Variants in RBFOX1 observed in about 807,000 individuals in gnomAD.
RBFOX1 encodes RNA binding protein fox-1 homolog 1.
Under a neutral mutation model 57.7 loss-of-function variants are expected in RBFOX1, and 8 were observed. The ratio of observed to expected loss-of-function variants is 0.14; its 90% confidence interval spans 0.08 to 0.25. The LOEUF (loss-of-function observed/expected upper bound fraction) is 0.25, where lower values mean the gene tolerates loss of function less well. RBFOX1 is among the 10% of genes least tolerant of loss of function. The pLI is 1.00. For missense variants in RBFOX1, 611 were observed against 548.5 expected (o/e 1.11, Z -1.14); for synonymous variants, 326 against 222.4 (o/e 1.47, Z -4.15).
chr16:6,820,679 C>G (rs1436262625), intron 3 of RBFOX1, among the ~76,000 whole-genome samples: 1 of 151,482 alleles, frequency 6.6e-6, no homozygotes, highest in Non-Finnish European at 1.5e-5. Context: ...ACAAGCAAAA[C>G]AAACAAACAA....
intron 2 of RBFOX1, among the ~76,000 whole-genome samples, chr16:6,412,354 C>T (rs933978529): frequency 6.6e-6 from 1 of 152,110 alleles, no homozygotes; most frequent in Non-Finnish European, 1.5e-5. Flanking sequence ...TTCCTCTGGT[C>T]AACTTGGATT....
At chr16:7,209,468 C>G (rs991371857) in intron 4 of RBFOX1, among the ~76,000 whole-genome samples, 12 of 152,142 alleles carry the variant, frequency 7.9e-5, no homozygotes, top group South Asian at 2.1e-4. Flanking sequence ...TGGATAATAA[C>G]CTCAAGGCCT....
At chr16:5,653,952 A>G (rs1357040968) in intron 3 of RBFOX1, among the ~76,000 whole-genome samples, 1 of 152,154 alleles carries the variant, frequency 6.6e-6, no homozygotes, top group Non-Finnish European at 1.5e-5. Flanking sequence ...CACTTTGTGG[A>G]TGTTCTCAGA....
At chr16:6,453,559 A>G (rs1597456982) in intron 2 of RBFOX1, among the ~76,000 whole-genome samples, 2 of 152,212 alleles carry the variant, frequency 1.3e-5, no homozygotes, top group South Asian at 4.1e-4. Flanking sequence ...AACCAAAAAA[A>G]AGCCCAGGAC....
At chr16:6,124,463 A>C (rs2096574433) in intron 1 of RBFOX1, among the ~76,000 whole-genome samples, 1 of 152,124 alleles carries the variant, frequency 6.6e-6, no homozygotes, top group Non-Finnish European at 1.5e-5. Context: ...TCTTCACTCC[A>C]GACTGGGACC....
intron 2 of RBFOX1, among the ~76,000 whole-genome samples, chr16:6,346,615 T>C (rs1224000649): frequency 2.0e-5 from 3 of 152,240 alleles, no homozygotes; most frequent in Non-Finnish European, 4.4e-5. Flanking sequence ...CTGGTTCCGA[T>C]GGCAGCCTGA....
chr16:6,234,156 T>G (rs2097487346), intron 1 of RBFOX1, among the ~76,000 whole-genome samples: 1 of 152,176 alleles, frequency 6.6e-6, no homozygotes, highest in African/African-American at 2.4e-5. Flanking sequence ...AGCCCCCACC[T>G]CTTTTCACCA....
chr16:5,358,905 C>A (rs983261526), intron 1 of RBFOX1, among the ~76,000 whole-genome samples: 3 of 152,186 alleles, frequency 2.0e-5, no homozygotes, highest in Non-Finnish European at 4.4e-5. Context: ...GCATCTTATT[C>A]ATCCTTTGTA....
intron 3 of RBFOX1, among the ~76,000 whole-genome samples, chr16:6,793,076 C>G (rs550189447): frequency 6.6e-5 from 10 of 151,710 alleles, no homozygotes; most frequent in Non-Finnish European, 1.3e-4. Flanking sequence ...CTGTTAGCCA[C>G]TTGGATGCTC....
intron 1 of RBFOX1, among the ~76,000 whole-genome samples, chr16:6,167,863 A>G (rs1464919051): frequency 6.6e-6 from 1 of 152,132 alleles, no homozygotes; most frequent in Non-Finnish European, 1.5e-5. Flanking sequence ...CTGCTCCGGG[A>G]TGGGGTCAAG....
intron 1 of RBFOX1, among the ~76,000 whole-genome samples, chr16:5,419,535 A>G (rs574449522): frequency 6.6e-6 from 1 of 152,110 alleles, no homozygotes; most frequent in East Asian, 2.0e-4. Context: ...TGACACCCTC[A>G]TAGACACACC....
intron 3 of RBFOX1, among the ~76,000 whole-genome samples, chr16:6,788,350 G>A (rs1288854450): frequency 6.6e-6 from 1 of 151,978 alleles, no homozygotes; most frequent in Non-Finnish European, 1.5e-5. Flanking sequence ...AACACAAGCT[G>A]GTGAGGCATG....
chr16:7,257,984 G>C (rs558915256), intron 4 of RBFOX1, among the ~76,000 whole-genome samples: 51 of 152,284 alleles, frequency 3.3e-4, no homozygotes, highest in Admixed American at 9.8e-4. Flanking sequence ...AAGGAATTCT[G>C]TATCGACACA....
chr16:7,029,846 A>C (rs1300428700), intron 3 of RBFOX1, among the ~76,000 whole-genome samples: 1 of 152,186 alleles, frequency 6.6e-6, no homozygotes, highest in African/African-American at 2.4e-5. Flanking sequence ...AAGATGAAAG[A>C]ATGATAACTT....
intron 3 of RBFOX1, among the ~76,000 whole-genome samples, chr16:6,959,761 A>T (rs1457303109): frequency 1.3e-5 from 2 of 152,014 alleles, no homozygotes; most frequent in Non-Finnish European, 2.9e-5. Context: ...ACATGGTGAA[A>T]CCCCGTTTCT....
chr16:7,497,143 C>T (rs947871710), intron 4 of RBFOX1, among the ~76,000 whole-genome samples: 4 of 152,176 alleles, frequency 2.6e-5, no homozygotes, highest in African/African-American at 9.6e-5. Context: ...TCTTCAATGG[C>T]CTCCCGTTAC....
chr16:6,335,063 A>G (rs2083464706), intron 2 of RBFOX1, among the ~76,000 whole-genome samples: 1 of 152,190 alleles, frequency 6.6e-6, no homozygotes, highest in Admixed American at 6.5e-5. Context: ...TCCCCTTTCG[A>G]TGTGATAGTT....
intron 3 of RBFOX1, among the ~76,000 whole-genome samples, chr16:7,023,564 TAAAAAAAAAAAAAAAAAAAAAAA>T (rs34056673): frequency 2.3e-5 from 1 of 43,916 alleles, no homozygotes; most frequent in Non-Finnish European, 4.1e-5. Flanking sequence ...TCGTCTGTAC[TAAAAAAAAAAAAAAAAAAAAAAA>T]AAAAAAATTA....
chr16:6,818,108 C>T (rs1011920129), intron 3 of RBFOX1, among the ~76,000 whole-genome samples: 5 of 152,140 alleles, frequency 3.3e-5, no homozygotes, highest in Admixed American at 3.3e-4. Flanking sequence ...TTCAGATTTT[C>T]CACCCCTCCC....
Sources: gnomAD v4.1 joint callset for allele counts (sites outside exome capture counted in the v4.1 genomes callset) on GRCh38, gnomAD v4.1.1 for gene constraint, MANE v1.5 for transcripts, NCBI Gene and HGNC (gene_info 2026-07-23, HGNC 2026-07-21) for gene names.